The following ERCC2 variants were observed in gnomAD, a reference collection of about 807,000 sequenced individuals.
ERCC2 encodes ERCC excision repair 2, TFIIH core complex helicase subunit, also known as general transcription and DNA repair factor IIH helicase subunit XPD.
A neutral mutation model predicts 99.4 loss-of-function variants in ERCC2; 90 were observed. That is an observed-to-expected ratio of 0.91 (90% CI 0.76 to 1.08). The LOEUF (loss-of-function observed/expected upper bound fraction) is 1.08, where lower values mean the gene tolerates loss of function less well. ERCC2 is among the 50% of genes least tolerant of loss of function. The probability of loss-of-function intolerance (pLI) is 0.00; values close to 1 mark genes in which losing one functional copy is unlikely to be tolerated. For missense variants in ERCC2, 993 were observed against 1,038.1 expected (o/e 0.96, Z 0.60); for synonymous variants, 497 against 432.4 (o/e 1.15, Z -1.85).
In ERCC2 at chr19:45,361,630, T is replaced by C; in HGVS notation, c.1131A>G (p.Glu377=). Residue 377 remains glutamate (E), a synonymous_variant, in exon 12 of 23, where the codon GAA becomes GAG. Transcript: ENST00000391945. ...GAGTATGCAGCAGGGACCGGAGGCGTTCAGCACAGAATCTGGCGGGGAGGA... is the reference window on the plus strand; with the variant it reads ...GAGTATGCAGCAGGGACCGGAGGCGCTCAGCACAGAATCTGGCGGGGAGGA... The part of the protein sequence containing the change: ...IQRKPLRFCA[E]RLRSLLHTLE... 2 of 1,613,290 alleles carry C rather than the reference T, an allele frequency of 1.2e-6. No homozygotes were observed. Among genetic ancestry groups the C allele is most frequent in the Non-Finnish European group, 1.7e-6 (2 of 1,179,492 alleles).
chr19:45,363,249 G>A (rs1005670222), intron 11 of ERCC2, among the ~76,000 whole-genome samples: 1 of 152,068 alleles, frequency 6.6e-6, no homozygotes, highest in South Asian at 2.1e-4. Context: ...CTCAGGTTTG[G>A]AAGATTAGAG....
rs935952447 is a variant in ERCC2, at chr19:45,363,973, G to A, written c.949+13C>T. On this transcript the variant is annotated intron_variant, in intron 10 of 22. Transcript: ENST00000391945. ...GGAAAGGGACTGGGGGGCAGCGGGG[G>A]GTCGGGGCTCACCCTGCAGCACTTC... 3 of 1,538,700 alleles carry A rather than the reference G, an allele frequency of 1.9e-6. No homozygotes were observed. Among genetic ancestry groups the A allele is most frequent in the East Asian group, 2.4e-5 (1 of 41,058 alleles).
rs759412116 is a variant in ERCC2, at chr19:45,352,210, C to T, written c.2189G>A (p.Arg730Gln). The change falls in exon 22 of 23, where the codon CGG becomes CAG. Residue 730 changes from arginine (R) to glutamine (Q), a missense_variant and splice_region_variant. Physicochemically the swap from Arg to Gln is conservative, Grantham distance 43. Coordinates refer to ENST00000391945, the MANE Select transcript of ERCC2 (RefSeq NM_000400.4). ...FLRQMAQPFH[R>Q]EDQLGLSLLS... ...CCGGGAGGGGGACGCAGGCCTCACCCGGTGGAAGGGCTGTGCCATCTGCCG... is the reference window on the plus strand; with the variant it reads ...CCGGGAGGGGGACGCAGGCCTCACCTGGTGGAAGGGCTGTGCCATCTGCCG... 59 of 1,613,628 alleles carry T rather than the reference C, an allele frequency of 3.7e-5. No individual in the cohort carries two copies. Among genetic ancestry groups the T allele is most frequent in the Admixed American group, 1.8e-4 (11 of 59,998 alleles).
intron 12 of ERCC2, among the ~76,000 whole-genome samples, chr19:45,360,263 T>C (rs1972170456): frequency 6.6e-6 from 1 of 151,788 alleles, no homozygotes; most frequent in African/African-American, 2.4e-5. Flanking sequence ...TTTGTATTTT[T>C]AGTAGAGACG....
intron 11 of ERCC2, 166 bp from the exon 12 acceptor site, chr19:45,361,808 C>T: frequency 1.5e-6 from 1 of 669,420 alleles, no homozygotes; most frequent in South Asian, 1.6e-5. Flanking sequence ...CCACGCTGTA[C>T]ACCTGCATGT....
At position 45,351,400 on chromosome 19, in the gene ERCC2, C is replaced by T. The variant is rs1294126753; in HGVS notation, c.*229G>A. ...TGGCCGCAGCTTCTTGGGAACAGTG[C>T]AGGAGGGATGGGCTGGTGGGGTGAG... On this transcript the variant is annotated 3_prime_UTR_variant, in exon 23 of 23. Transcript: ENST00000391945. 2 of 1,602,782 alleles carry T rather than the reference C, an allele frequency of 1.2e-6. No individual in the cohort carries two copies. The highest frequency in any genetic ancestry group is 1.3e-5 in the African/African-American group (1 of 74,972).
intron 2 of ERCC2, among the ~76,000 whole-genome samples, chr19:45,369,690 T>C (rs1972540685): frequency 6.6e-6 from 1 of 152,172 alleles, no homozygotes; most frequent in Admixed American, 6.5e-5. Context: ...TCTCCCTTCT[T>C]TTTTAAGAGA....
Position 45,363,729 on chromosome 19 carries a change from G to C in ERCC2, c.1118+14C>G. ...CTGCCGGGCCCCCACCCCGCGCGCT[G>C]TCTGGGGCCGCACCTGAGGGGCTTG... On this transcript the variant is annotated intron_variant, in intron 11 of 22. Coordinates refer to ENST00000391945, the MANE Select transcript of ERCC2 (RefSeq NM_000400.4). 2 of 1,530,194 alleles carry C rather than the reference G, an allele frequency of 1.3e-6. No individual in the cohort carries two copies. 94.8% of individuals were successfully genotyped at this position (1,530,194 alleles called of 1,614,324 possible). A position where few individuals can be genotyped will look rare whatever the true frequency, so the allele number is the denominator to read the frequency against.
intron 5 of ERCC2, among the ~76,000 whole-genome samples, chr19:45,367,579 G>A (rs1053785509): frequency 8.7e-5 from 13 of 149,528 alleles, no homozygotes; most frequent in African/African-American, 2.2e-4. Flanking sequence ...GTGCAGTGGC[G>A]CGATCTCGGC....
At position 45,352,573 on chromosome 19, in the gene ERCC2, G is replaced by C; in HGVS notation, c.1979C>G (p.Ala660Gly). 2.5e-6 allele frequency: 4 copies of C among 1,614,070 alleles called. No homozygotes were observed. The highest frequency in any genetic ancestry group is 1.3e-5 in the African/African-American group (1 of 75,062). ...DFLTFDAMRH[A>G]AQCVGRAIRG... ...GATGGCCCGACCCACACACTGGGCC[G>C]CGTGGCGCATGGCATCGAAGGTAAG... The change falls in exon 21 of 23, where the codon GCG becomes GGG. Residue 660 changes from alanine (A) to glycine (G), a missense_variant. Coordinates refer to ENST00000391945, the MANE Select transcript of ERCC2 (RefSeq NM_000400.4).
chr19:45,351,039 A>AAAAT lies in ERCC2; in HGVS notation c.*586_*589dup. 1 of 1,614,016 alleles carries AAAAT rather than the reference A, an allele frequency of 6.2e-7. No individual in the cohort carries two copies. Among genetic ancestry groups the AAAAT allele is most frequent in the Non-Finnish European group, 8.5e-7 (1 of 1,179,938 alleles). Reference sequence around the variant, plus strand: ...TCAGGTGAGGGGGACATCTGGGTCAAAAATAGAGGAGGCCATGTGGGTAGG... The same window carrying AAAAT: ...TCAGGTGAGGGGGACATCTGGGTCAAAAATAAATAGAGGAGGCCATGTGGGTAGG... On this transcript the variant is annotated 3_prime_UTR_variant, in exon 23 of 23. Transcript: ENST00000391945.
At chr19:45,358,565 G>A (rs1387786136) in intron 12 of ERCC2, 5 of 437,692 alleles carry the variant, frequency 1.1e-5, no homozygotes, top group Non-Finnish European at 1.7e-5. Context: ...TGCCTCCAGT[G>A]GCCTGGTGCC....
rs1266742977 is a variant in ERCC2 at position 45,357,645 on chromosome 19, G to A, written c.1292C>T (p.Pro431Leu). 6.2e-7 allele frequency: 1 copy of A among 1,614,140 alleles called. No homozygotes were observed. The highest frequency in any genetic ancestry group is 8.5e-7 in the Non-Finnish European group (1 of 1,180,006). The change falls in exon 13 of 23, where the codon CCC becomes CTC. Residue 431 changes from proline (P) to leucine (L), a missense_variant. Transcript: ENST00000391945. ...FDDRTPTIAN[P>L]ILHFSCMDAS... The stretch of plus-strand genomic sequence containing the variant: ...AGGGTCCCACCTGAAGTGCAGGATG[G>A]GGTTGGCAATGGTCGGGGTTCTGTC...
rs1972316320 is a variant in ERCC2 at position 45,363,865 on chromosome 19, G to C, written c.996C>G (p.Phe332Leu). 1 of 1,552,324 alleles carries C rather than the reference G, an allele frequency of 6.4e-7. No individual in the cohort carries two copies. Among genetic ancestry groups the C allele is most frequent in the Non-Finnish European group, 8.7e-7 (1 of 1,155,898 alleles). Residue 332 changes from phenylalanine to leucine, a missense_variant, in exon 11 of 23, where the codon TTC (phenylalanine) becomes TTG (leucine). Coordinates refer to ENST00000391945, the MANE Select transcript of ERCC2 (RefSeq NM_000400.4). Reference sequence around the variant, plus strand: ...TCACGTACTCCAGCAGCCGCCTCAGGAAGCCCAGGAAATGCTCGGCCGTGC... The same window carrying C: ...TCACGTACTCCAGCAGCCGCCTCAGCAAGCCCAGGAAATGCTCGGCCGTGC... Reference protein sequence around the residue: ...SIRTAEHFLGFLRRLLEYVKW... With the variant: ...SIRTAEHFLGLLRRLLEYVKW...
chr19:45,351,668 C>A lies in ERCC2; in HGVS notation c.2244G>T (p.Glu748Asp). 6.2e-7 allele frequency: 1 copy of A among 1,614,054 alleles called. No homozygotes were observed. Among genetic ancestry groups the A allele is most frequent in the Non-Finnish European group, 8.5e-7 (1 of 1,180,000 alleles). The change falls in exon 23 of 23, where the codon GAG becomes GAT. Residue 748 changes from glutamate to aspartate, a missense_variant. Around this residue, in one of 3 missense-constraint regions of ERCC2, gnomAD observed 909 missense variants for 930.8 expected, o/e 0.98. Transcript: ENST00000391945. ...LLSLEQLESE[E>D]TLKRIEQIAQ... is the part of the protein sequence containing the mutation. The stretch of plus-strand genomic sequence containing the variant: ...CAATCTGCTCTATCCTCTTCAGCGT[C>A]TCCTCTGATTCTAGCTGCTCCAGGC...
chr19:45,366,595 CT>C (rs1411715896), intron 5 of ERCC2, among the ~76,000 whole-genome samples: 9 of 152,174 alleles, frequency 5.9e-5, no homozygotes, highest in Admixed American at 5.9e-4. Context: ...CCCCTTACCC[CT>C]GACCTGCTCT....
chr19:45,361,751 G>A lies in ERCC2; in HGVS notation c.1119-109C>T, dbSNP rs761615564. 3.6e-6 allele frequency: 3 copies of A among 822,138 alleles called. No homozygotes were observed. The East Asian group carries it at 7.7e-5, about 21-fold the overall frequency. The allele number at this position is 822,138 out of a possible 1,614,324, so 50.9% of individuals were successfully genotyped here. ...ACGTGCCTGTCTCCCCAGCCAATGA[G>A]CACTCAGTGAGGGTGGGCACTGGGC... is the stretch of plus-strand genomic sequence containing the variant. On this transcript the variant is annotated intron_variant, in intron 11 of 22. Transcript: ENST00000391945.
Position 45,364,915 on chromosome 19 carries a change from C to T in ERCC2, c.517G>A (p.Gly173Ser). 1 of 1,614,144 alleles carries T rather than the reference C, an allele frequency of 6.2e-7. No individual in the cohort carries two copies. The highest frequency in any genetic ancestry group is 1.1e-5 in the South Asian group (1 of 91,088). Reference protein sequence around the residue: ...AHGREVPLPAGIYNLDDLKAL... With the variant: ...AHGREVPLPASIYNLDDLKAL... The stretch of plus-strand genomic sequence containing the variant: ...TTCAGGTCATCCAGGTTGTAGATGC[C>T]AGCGGGGAGGGGCACCTCACGCCCA... The change falls in exon 7 of 23, where the codon GGC becomes AGC. Residue 173 changes from glycine to serine, a missense_variant. Physicochemically the swap from Gly to Ser is moderately conservative, Grantham distance 56. Around this residue, in one of 3 missense-constraint regions of ERCC2, gnomAD observed 909 missense variants for 930.8 expected, o/e 0.98. Coordinates refer to ENST00000391945, the MANE Select transcript of ERCC2 (RefSeq NM_000400.4).
At chr19:45,356,202 T>G (rs1355428311) in intron 15 of ERCC2, among the ~76,000 whole-genome samples, 1 of 152,080 alleles carries the variant, frequency 6.6e-6, no homozygotes, top group Non-Finnish European at 1.5e-5. Context: ...CCGGCGGGCA[T>G]CCCACCAGCC....
Sources: gnomAD v4.1 joint callset for allele counts (sites outside exome capture counted in the v4.1 genomes callset) on GRCh38, gnomAD v4.1.1 for gene constraint, gnomAD v4.1.1 regional missense constraint, MANE v1.5 for transcripts, NCBI Gene and HGNC (gene_info 2026-07-23, HGNC 2026-07-21) for gene names.